RMC1: variants seen among roughly 807,000 people sequenced by gnomAD.
RMC1 encodes the protein regulator of MON1-CCZ1.
A neutral mutation model predicts 95.5 loss-of-function variants in RMC1; 44 were observed. The observed-to-expected ratio is 0.46, with a 90% confidence interval of 0.36 to 0.59. The LOEUF (loss-of-function observed/expected upper bound fraction) is 0.59, where lower values mean the gene tolerates loss of function less well. RMC1 is among the 20% of genes least tolerant of loss of function. The pLI, the probability that RMC1 is intolerant of heterozygous loss-of-function variation, is 0.00. For synonymous variants in RMC1, 320 were observed against 303.6 expected (o/e 1.05, Z -0.56); for missense variants, 705 against 819.6 (o/e 0.86, Z 1.71).
At chr18:23,530,930 C>T (rs1009537364) in intron 19 of RMC1, among the ~76,000 whole-genome samples, 4 of 152,184 alleles carry the variant, frequency 2.6e-5, no homozygotes, top group Non-Finnish European at 5.9e-5. Context: ...CAAATGGTGG[C>T]TAAGGGTTTT....
intron 17 of RMC1, 28 bp from the exon 18 acceptor site, chr18:23,530,201 C>T (rs1598919294): frequency 1.2e-6 from 2 of 1,614,038 alleles, no homozygotes; most frequent in South Asian, 1.1e-5. Flanking sequence ...ATCTTTCCAA[C>T]TGAAGTGGGT....
At chr18:23,524,401 C>G in intron 11 of RMC1, 28 bp from the exon 12 acceptor site, 1 of 1,612,708 alleles carries the variant, frequency 6.2e-7, no homozygotes, top group South Asian at 1.1e-5. Flanking sequence ...TCATCTTTTC[C>G]TGGTTTAGAA....
At chr18:23,507,725 A>G (rs1345804959) in intron 3 of RMC1, among the ~76,000 whole-genome samples, 1 of 152,192 alleles carries the variant, frequency 6.6e-6, no homozygotes, top group Non-Finnish European at 1.5e-5. Context: ...TGCTTGAGGA[A>G]TGAATTTTTG....
chr18:23,529,864 G>A, intron 16 of RMC1, 152 bp downstream of exon 16: 1 of 1,028,928 alleles, frequency 9.7e-7, no homozygotes, highest in South Asian at 1.5e-5. Flanking sequence ...GTTGGAATGG[G>A]AAGTGTAAGG....
rs187287467 is a variant in RMC1, at chr18:23,518,854, C to A, written c.654-36C>A. 126 of 1,586,922 alleles carry A rather than the reference C, an allele frequency of 7.9e-5. 1 individual carries two copies. The East Asian group carries it at 2.3e-3, about 29-fold the overall frequency. On this transcript the variant is annotated intron_variant, in intron 7 of 19. Transcript: ENST00000269221. ...TTTAGAACAAAGGAATTTTGAATGG[C>A]CAGATGTGATTTATGTCTGTTTGTT...
intron 17 of RMC1, 32 bp downstream of exon 17, chr18:23,530,164 G>A (rs765030027): frequency 1.2e-6 from 2 of 1,613,356 alleles, no homozygotes; most frequent in Admixed American, 3.3e-5. Context: ...CTTCCATTGT[G>A]GTTAAAAATG....
Position 23,531,738 on chromosome 18 carries a change from A to G in RMC1, c.*34A>G. The stretch of plus-strand genomic sequence containing the variant: ...GCTGTTTTTTTATATAAAAATGTGT[A>G]CAAAGTTAATTTATTGCATTAATAA... On this transcript the variant is annotated 3_prime_UTR_variant, in exon 20 of 20. Coordinates refer to ENST00000269221, the MANE Select transcript of RMC1 (RefSeq NM_013326.5). The G allele has an allele frequency of 6.3e-7, 1 of 1,593,372 alleles. No individual in the cohort carries two copies. The highest frequency in any genetic ancestry group is 8.5e-7 in the Non-Finnish European group (1 of 1,174,054).
At chr18:23,506,677 C>G (rs570559123) in intron 2 of RMC1, 1 of 279,794 alleles carries the variant, frequency 3.6e-6, no homozygotes, top group Non-Finnish European at 6.8e-6. Context: ...GGAGAAGGCT[C>G]CTGAGCGGGT....
At chr18:23,510,429 C>T (rs951619314) in intron 5 of RMC1, among the ~76,000 whole-genome samples, 37 of 151,790 alleles carry the variant, frequency 2.4e-4, no homozygotes, top group African/African-American at 9.0e-4. Flanking sequence ...GGGCAGATCA[C>T]CTGAGGTCAG....
intron 5 of RMC1, among the ~76,000 whole-genome samples, chr18:23,511,310 G>C (rs1038738379): frequency 6.6e-6 from 1 of 152,106 alleles, no homozygotes; most frequent in African/African-American, 2.4e-5. Flanking sequence ...CAACAGACAC[G>C]GGGGGCTACT....
intron 12 of RMC1, 141 bp downstream of exon 12, chr18:23,524,623 C>A: frequency 1.3e-6 from 1 of 754,214 alleles, no homozygotes; most frequent in Non-Finnish European, 2.2e-6. Context: ...TTTTTTTTTT[C>A]ACTTTATACG....
At chr18:23,511,112 G>C (rs189112742) in intron 5 of RMC1, among the ~76,000 whole-genome samples, 14 of 152,358 alleles carry the variant, frequency 9.2e-5, no homozygotes, top group African/African-American at 3.4e-4. Flanking sequence ...TAAAGAAAAT[G>C]TGGTACATAT....
intron 10 of RMC1, among the ~76,000 whole-genome samples, chr18:23,523,795 G>A (rs1441323665): frequency 6.6e-6 from 1 of 152,166 alleles, no homozygotes; most frequent in Non-Finnish European, 1.5e-5. Flanking sequence ...CTGGGTATTT[G>A]ATTTTGAATC....
At chr18:23,508,691 A>T (rs535705007) in intron 4 of RMC1, 1 of 152,328 alleles carries the variant, frequency 6.6e-6, no homozygotes. Context: ...CATCCCCACC[A>T]CTGTCCTGCC....
At position 23,519,143 on chromosome 18, in the gene RMC1, A is replaced by G. The variant is rs1313199699; in HGVS notation, c.818A>G (p.Asn273Ser). 2 of 1,614,142 alleles carry G rather than the reference A, an allele frequency of 1.2e-6. No individual in the cohort carries two copies. The highest frequency in any genetic ancestry group is 1.7e-6 in the Non-Finnish European group (2 of 1,180,008). ...AAGTTTGCCCTGAACGTGGTGGACA[A>G]CCTGGTAGTCGTGCATCATCAGGAT... ...TGKFALNVVD[N>S]LVVVHHQDTE... Residue 273 changes from asparagine (N) to serine (S), a missense_variant, in exon 9 of 20, where the codon AAC (asparagine) becomes AGC (serine). Asn to Ser is a conservative substitution (Grantham distance 46, BLOSUM62 1). Coordinates refer to ENST00000269221, the MANE Select transcript of RMC1 (RefSeq NM_013326.5).
chr18:23,512,064 A>G (rs1232276774), intron 5 of RMC1, among the ~76,000 whole-genome samples: 1 of 138,132 alleles, frequency 7.2e-6, no homozygotes, highest in Non-Finnish European at 1.5e-5. Context: ...TCCGTCGCCC[A>G]GGCTGGAGTG....
At position 23,519,304 on chromosome 18, in the gene RMC1, G is replaced by A. The variant is rs546959665; in HGVS notation, c.849+130G>A. 5.6e-5 allele frequency: 42 copies of A among 753,502 alleles called. No individual in the cohort carries two copies. In the African/African-American group the frequency reaches 6.3e-4, roughly 11 times the overall value. The allele number at this position is 753,502 out of a possible 1,614,324, so 46.7% of individuals were successfully genotyped here. Reference sequence around the variant, plus strand: ...AGGCCAAGGCGGACAGATTGCTTGAGCCCAGGAGTTCGAGACCAGCCTGAG... The same window carrying A: ...AGGCCAAGGCGGACAGATTGCTTGAACCCAGGAGTTCGAGACCAGCCTGAG... On this transcript the variant is annotated intron_variant, in intron 9 of 19. Transcript: ENST00000269221.
At position 23,503,537 on chromosome 18, in the gene RMC1, A is replaced by G. The variant is rs893903682; in HGVS notation, c.-82A>G. 1.1e-5 allele frequency: 11 copies of G among 960,078 alleles called. No individual in the cohort carries two copies. The highest frequency in any genetic ancestry group is 7.0e-5 in the African/African-American group (4 of 56,904). 59.5% of individuals were successfully genotyped at this position (960,078 alleles called of 1,614,324 possible). A position where few individuals can be genotyped will look rare whatever the true frequency, so the allele number is the denominator to read the frequency against. ...GAGCCGCAGCCGCAGCCGCCGCTAC[A>G]GTCCGGGCCGGGCTCCACCGCGCAT... On this transcript the variant is annotated 5_prime_UTR_variant, in exon 1 of 20. Coordinates refer to ENST00000269221, the MANE Select transcript of RMC1 (RefSeq NM_013326.5).
intron 10 of RMC1, among the ~76,000 whole-genome samples, chr18:23,523,096 C>T (rs1380069077): frequency 2.0e-5 from 3 of 152,218 alleles, no homozygotes; most frequent in East Asian, 1.9e-4. Flanking sequence ...GTGCACTCGG[C>T]GCAGACCTTG....
Sources: gnomAD v4.1 joint callset for allele counts (sites outside exome capture counted in the v4.1 genomes callset) on GRCh38, gnomAD v4.1.1 for gene constraint, MANE v1.5 for transcripts, NCBI Gene and HGNC (gene_info 2026-07-23, HGNC 2026-07-21) for gene names.